The following MAF variants were observed in gnomAD, a reference collection of about 807,000 sequenced individuals.
The protein encoded by MAF is MAF bZIP transcription factor.
Under a neutral mutation model 22.0 loss-of-function variants are expected in MAF, and 10 were observed. The observed-to-expected ratio is 0.45, with a 90% CI of 0.28 to 0.77. The LOEUF (loss-of-function observed/expected upper bound fraction) is 0.77. Among genes scored for constraint, MAF ranks in the 30% least tolerant of loss-of-function variants. MAF has a pLI of 0.12. For missense variants in MAF, 544 were observed against 548.4 expected (o/e 0.99, Z 0.08); for synonymous variants, 337 against 255.8 (o/e 1.32, Z -3.03).
At chr16:79,419,949 A>C in the MAF span, among the ~76,000 whole-genome samples, 1 of 151,914 alleles carries the variant, frequency 6.6e-6, no homozygotes, top group Non-Finnish European at 1.5e-5. Context: ...CTTTCCATGG[A>C]GAGTCCTGGA....
At chr16:79,427,295 T>G in the MAF span, among the ~76,000 whole-genome samples, 15 of 152,146 alleles carry the variant, frequency 9.9e-5, no homozygotes. Context: ...CTTAGGGGTA[T>G]CTCCTCTGGC....
the MAF span, among the ~76,000 whole-genome samples, chr16:79,354,929 G>C: frequency 6.6e-6 from 1 of 152,160 alleles, no homozygotes; most frequent in Non-Finnish European, 1.5e-5. Flanking sequence ...GAAAAAATAA[G>C]TGGGAGAGAG....
At chr16:79,297,618 A>G in the MAF span, among the ~76,000 whole-genome samples, 1 of 152,248 alleles carries the variant, frequency 6.6e-6, no homozygotes, top group Non-Finnish European at 1.5e-5. Context: ...ATCCAACGCG[A>G]TGATACAGAA....
At chr16:79,244,954 C>G in the MAF span, among the ~76,000 whole-genome samples, 1 of 152,016 alleles carries the variant, frequency 6.6e-6, no homozygotes. Context: ...CTGGCAAAAA[C>G]AATCAATGGG....
chr16:79,373,656 G>A, the MAF span, among the ~76,000 whole-genome samples: 1 of 152,088 alleles, frequency 6.6e-6, no homozygotes, highest in South Asian at 2.1e-4. Context: ...GGGATTACAG[G>A]TGTGAGCCAC....
At chr16:79,361,561 A>G in the MAF span, among the ~76,000 whole-genome samples, 1 of 152,204 alleles carries the variant, frequency 6.6e-6, no homozygotes, top group African/African-American at 2.4e-5. Context: ...CTGCCTGGGA[A>G]CATTACACCT....
At chr16:79,235,448 G>A in the MAF span, among the ~76,000 whole-genome samples, 11 of 151,994 alleles carry the variant, frequency 7.2e-5, no homozygotes, top group African/African-American at 2.7e-4. Flanking sequence ...TGTAGTCCCA[G>A]CTACACTGGA....
chr16:79,507,422 T>C, the MAF span, among the ~76,000 whole-genome samples: 3 of 149,158 alleles, frequency 2.0e-5, no homozygotes, highest in Non-Finnish European at 4.5e-5. Flanking sequence ...AGCCCTTGCA[T>C]CTTACTTTTT....
chr16:79,374,502 G>C, the MAF span, among the ~76,000 whole-genome samples: 1 of 152,058 alleles, frequency 6.6e-6, no homozygotes, highest in East Asian at 1.9e-4. Flanking sequence ...CTTACTTCTT[G>C]CAAGAACCCC....
chr16:79,457,215 C>G, the MAF span, among the ~76,000 whole-genome samples: 1 of 152,148 alleles, frequency 6.6e-6, no homozygotes, highest in African/African-American at 2.4e-5. Flanking sequence ...TTCCATGCAA[C>G]AGGTGTCACT....
chr16:79,263,763 A>G, the MAF span, among the ~76,000 whole-genome samples: 2 of 151,960 alleles, frequency 1.3e-5, no homozygotes, highest in Admixed American at 1.3e-4. Flanking sequence ...TTGCCAGTCA[A>G]CTCCACTTTT....
the MAF span, among the ~76,000 whole-genome samples, chr16:79,260,136 TTTATC>T: frequency 1.3e-5 from 2 of 152,166 alleles, no homozygotes; most frequent in East Asian, 3.8e-4. Flanking sequence ...ACTTGACTCA[TTTATC>T]TTATTTTGTT....
the MAF span, among the ~76,000 whole-genome samples, chr16:79,364,183 C>T: frequency 6.6e-6 from 1 of 152,066 alleles, no homozygotes; most frequent in Non-Finnish European, 1.5e-5. Flanking sequence ...GAGCCCAGGG[C>T]AAATGTTAAG....
At chr16:79,458,209 T>C in the MAF span, among the ~76,000 whole-genome samples, 1 of 150,010 alleles carries the variant, frequency 6.7e-6, no homozygotes, top group African/African-American at 2.4e-5. Flanking sequence ...TCCAAATCAC[T>C]TCTCTCCCTA....
the MAF span, among the ~76,000 whole-genome samples, chr16:79,345,870 T>C: frequency 1.3e-5 from 2 of 152,044 alleles, no homozygotes; most frequent in East Asian, 3.8e-4. Context: ...TTGGGTACTG[T>C]AATTATTTGT....
At chr16:79,478,842 C>T in the MAF span, among the ~76,000 whole-genome samples, 22 of 151,446 alleles carry the variant, frequency 1.5e-4, no homozygotes, top group Admixed American at 4.6e-4. Context: ...CATCATGGGA[C>T]ACCTTTGCAC....
chr16:79,311,708 G>C, the MAF span, among the ~76,000 whole-genome samples: 2 of 152,084 alleles, frequency 1.3e-5, no homozygotes, highest in Non-Finnish European at 2.9e-5. Context: ...TCCACAGCTT[G>C]GATGTTTGGT....
the MAF span, among the ~76,000 whole-genome samples, chr16:79,557,276 T>A: frequency 1.3e-5 from 2 of 151,986 alleles, no homozygotes; most frequent in Non-Finnish European, 2.9e-5. Flanking sequence ...AGTTTCTGTT[T>A]TTGGAGGAGA....
chr16:79,404,542 C>G, the MAF span, among the ~76,000 whole-genome samples: 6 of 152,142 alleles, frequency 3.9e-5, no homozygotes, highest in Non-Finnish European at 8.8e-5. Flanking sequence ...GACAGGTGTC[C>G]TGAGACCTGC....
Sources: allele counts gnomAD v4.1 joint callset (sites outside exome capture counted in the v4.1 genomes callset), GRCh38; gene constraint gnomAD v4.1.1; transcripts MANE v1.5; gene names NCBI Gene and HGNC (gene_info 2026-07-23, HGNC 2026-07-21).